OR7E24: variants seen among roughly 807,000 people sequenced by gnomAD.
OR7E24 encodes olfactory receptor 7E24.
For missense variants in OR7E24, 385 were observed against 410.3 expected (o/e 0.94, Z 0.53); for synonymous variants, 130 against 157.5 (o/e 0.83, Z 1.31).
At chr19:9,211,203 G>C in the OR7E24 span, 1 of 152,336 alleles carries the variant, frequency 6.6e-6, no homozygotes, top group South Asian at 2.1e-4. Context: ...AGGGGCCTTA[G>C]GCCATTGTCC....
the OR7E24 span, among the ~76,000 whole-genome samples, chr19:9,226,862 G>A: frequency 6.6e-6 from 1 of 152,124 alleles, no homozygotes; most frequent in African/African-American, 2.4e-5. Context: ...AGGAACATCA[G>A]GCAGGGACCC....
the OR7E24 span, among the ~76,000 whole-genome samples, chr19:9,230,560 A>G: frequency 1.3e-5 from 2 of 152,152 alleles, no homozygotes; most frequent in East Asian, 3.8e-4. Flanking sequence ...CCTGAATCCA[A>G]TCACCTCTTC....
the OR7E24 span, among the ~76,000 whole-genome samples, chr19:9,241,562 C>T: frequency 2.6e-5 from 4 of 152,220 alleles, no homozygotes; most frequent in South Asian, 4.1e-4. Context: ...GTCACGAGTT[C>T]AAGACCAGCC....
At chr19:9,237,961 T>C in the OR7E24 span, among the ~76,000 whole-genome samples, 1 of 151,968 alleles carries the variant, frequency 6.6e-6, no homozygotes, top group Non-Finnish European at 1.5e-5. Flanking sequence ...CTCCACATCC[T>C]TGCCAATACT....
the OR7E24 span, among the ~76,000 whole-genome samples, chr19:9,222,639 T>A: frequency 1.3e-5 from 2 of 152,090 alleles, no homozygotes; most frequent in African/African-American, 4.8e-5. Context: ...TTGATTTTTA[T>A]ATGTCGATTA....
chr19:9,217,158 A>G, the OR7E24 span, among the ~76,000 whole-genome samples: 1 of 152,332 alleles, frequency 6.6e-6, no homozygotes, highest in East Asian at 1.9e-4. Context: ...TGAGAAAAGA[A>G]AGGGACACCG....
At chr19:9,210,905 GGA>G in the OR7E24 span, 1 of 152,220 alleles carries the variant, frequency 6.6e-6, no homozygotes, top group Non-Finnish European at 1.5e-5. Context: ...TGAAGGTCCA[GGA>G]GAACATTGTT....
the OR7E24 span, among the ~76,000 whole-genome samples, chr19:9,238,929 C>T: frequency 2.6e-5 from 4 of 152,068 alleles, no homozygotes; most frequent in African/African-American, 7.2e-5. Context: ...ATGATGAGTC[C>T]TTAGGTTGAT....
chr19:9,235,710 C>T, the OR7E24 span: 2 of 1,604,456 alleles, frequency 1.2e-6, no homozygotes, highest in Non-Finnish European at 1.7e-6. Context: ...AGGTGGCCCG[C>T]TCTGATGCTC....
rs1437640106 is a variant in OR7E24 at position 9,252,596 on chromosome 19, A to G, written c.*533A>G. The stretch of plus-strand genomic sequence containing the variant: ...CCTGTGTAATTTCTGTCCAAATCGC[A>G]TCTAGGAAATCACTTTAGGCAGCTT... On this transcript the variant is annotated 3_prime_UTR_variant, in exon 1 of 1. Coordinates refer to ENST00000456448, the MANE Select transcript of OR7E24 (RefSeq NM_001079935.2). 3 of 153,662 alleles carry G rather than the reference A, an allele frequency of 2.0e-5. No individual in the cohort carries two copies. The highest frequency in any genetic ancestry group is 4.8e-5 in the African/African-American group (2 of 41,426). 9.5% of individuals were successfully genotyped at this position (153,662 alleles called of 1,614,324 possible).
chr19:9,218,920 C>G, the OR7E24 span, among the ~76,000 whole-genome samples: 1 of 151,840 alleles, frequency 6.6e-6, no homozygotes, highest in Non-Finnish European at 1.5e-5. Context: ...AGATGTGAGC[C>G]ACTACGTTCA....
upstream of OR7E24, among the ~76,000 whole-genome samples, chr19:9,246,156 G>A (rs1436941761): frequency 1.7e-5 from 2 of 118,064 alleles, no homozygotes; most frequent in Non-Finnish European, 3.2e-5. Flanking sequence ...TGCAACCTCC[G>A]CCTCCCAGGT....
At chr19:9,237,764 C>G in the OR7E24 span, among the ~76,000 whole-genome samples, 4 of 152,254 alleles carry the variant, frequency 2.6e-5, no homozygotes, top group East Asian at 7.7e-4. Flanking sequence ...GTAAATAGTG[C>G]TGCCATGAAC....
chr19:9,249,991 A>G (rs2066140693), upstream of OR7E24, among the ~76,000 whole-genome samples: 1 of 152,188 alleles, frequency 6.6e-6, no homozygotes, highest in African/African-American at 2.4e-5. Flanking sequence ...GCATTTTAAC[A>G]TTATATTAAT....
chr19:9,219,219 C>T, the OR7E24 span: 1 of 152,074 alleles, frequency 6.6e-6, no homozygotes, highest in South Asian at 2.1e-4. Flanking sequence ...AGTAGATCTT[C>T]CGTGAGTAGT....
chr19:9,229,355 C>A, the OR7E24 span, among the ~76,000 whole-genome samples: 1 of 151,734 alleles, frequency 6.6e-6, no homozygotes, highest in Non-Finnish European at 1.5e-5. Context: ...TATGGTGAAA[C>A]CCCATCTCTA....
At chr19:9,233,258 C>A in the OR7E24 span, among the ~76,000 whole-genome samples, 1 of 152,200 alleles carries the variant, frequency 6.6e-6, no homozygotes, top group Non-Finnish European at 1.5e-5. Context: ...ATCAGTATCA[C>A]TGCCGTTTTT....
chr19:9,231,494 C>T, the OR7E24 span, among the ~76,000 whole-genome samples: 96 of 152,290 alleles, frequency 6.3e-4, no homozygotes, highest in Non-Finnish European at 1.3e-4. Flanking sequence ...GCAGGAGAAT[C>T]GCTTGAACCT....
the OR7E24 span, chr19:9,208,690 C>CTTTTTTTTT: frequency 6.8e-5 from 8 of 117,584 alleles, 1 homozygote; most frequent in African/African-American, 2.8e-4. Flanking sequence ...TTAATGCTGC[C>CTTTTTTTTT]TTTTTTTTTT....
Sources: allele counts gnomAD v4.1 joint callset (sites outside exome capture counted in the v4.1 genomes callset), GRCh38; gene constraint gnomAD v4.1.1; transcripts MANE v1.5; gene names NCBI Gene and HGNC (gene_info 2026-07-23, HGNC 2026-07-21).